The following LAMP5 variants were observed in gnomAD, a reference collection of about 807,000 sequenced individuals.
LAMP5 encodes lysosome associated membrane protein 5, also known as lysosome-associated membrane glycoprotein 5.
A neutral mutation model predicts 30.2 loss-of-function variants in LAMP5; 36 were observed. The observed-to-expected ratio is 1.19, with a 90% CI of 0.91 to 1.57. The LOEUF is 1.57. Ranked by LOEUF, LAMP5 falls within the 40% of genes most tolerant of loss-of-function variation. The pLI, the probability that LAMP5 is intolerant of heterozygous loss-of-function variation, is 0.00. For synonymous variants in LAMP5, 149 were observed against 134.6 expected (o/e 1.11, Z -0.74); for missense variants, 377 against 354.9 (o/e 1.06, Z -0.50).
rs754977746 is a variant in LAMP5, at chr20:9,518,149, G to A, written c.585G>A (p.Pro195=). The A allele has an allele frequency of 3.0e-5, 48 of 1,614,022 alleles. No homozygotes were observed. Among genetic ancestry groups the A allele is most frequent in the Middle Eastern group, 1.6e-4 (1 of 6,084 alleles). The part of the protein sequence containing the change: ...QQTISLASSD[P]QKTVTMILSA... Reference sequence around the variant, plus strand: ...CCATTTCACTGGCCTCTAGTGATCCGCAGAAGACGGTCACCATGATCCTGT... The same window carrying A: ...CCATTTCACTGGCCTCTAGTGATCCACAGAAGACGGTCACCATGATCCTGT... The change falls in exon 5 of 6, where the codon CCG becomes CCA. Residue 195 remains proline, a synonymous_variant. Coordinates refer to ENST00000246070, the MANE Select transcript of LAMP5 (RefSeq NM_012261.4).
chr20:9,515,424 C>A, intron 1 of LAMP5, 29 bp from the exon 2 acceptor site: 2 of 1,602,198 alleles, frequency 1.2e-6, no homozygotes, highest in African/African-American at 1.3e-5. Context: ...GAGCCCTGAA[C>A]TGATGGAATT....
intron 5 of LAMP5, among the ~76,000 whole-genome samples, chr20:9,524,442 T>C (rs2122842906): frequency 6.6e-6 from 1 of 151,626 alleles, no homozygotes; most frequent in East Asian, 1.9e-4. Flanking sequence ...TCTCTGCATG[T>C]ACATATGCTC....
At chr20:9,520,604 TG>T (rs2045073529) in intron 5 of LAMP5, among the ~76,000 whole-genome samples, 1 of 151,652 alleles carries the variant, frequency 6.6e-6, no homozygotes. Flanking sequence ...TGTGTGTGTG[TG>T]TTTGTGTGTT....
chr20:9,515,210 C>G (rs2045026723), intron 1 of LAMP5, among the ~76,000 whole-genome samples: 1 of 151,924 alleles, frequency 6.6e-6, no homozygotes, highest in South Asian at 2.1e-4. Flanking sequence ...ATGTAGAAAA[C>G]AGCCAGCTAT....
rs780280553 is a variant in LAMP5 at position 9,515,643 on chromosome 20, C to G, written c.237+18C>G. 17 of 1,612,076 alleles carry G rather than the reference C, an allele frequency of 1.1e-5. No individual in the cohort carries two copies. The highest frequency in any genetic ancestry group is 5.3e-5 in the African/African-American group (4 of 74,878). On this transcript the variant is annotated intron_variant, in intron 2 of 5. Coordinates refer to ENST00000246070, the MANE Select transcript of LAMP5 (RefSeq NM_012261.4). ...ACGTAGATGTAAGGAATCTTTCCCC[C>G]CCCTCAGCTTGCTCCTAGGGCTCCA...
rs1404161237 is a variant in LAMP5, at chr20:9,530,404, T to TA, written c.*586dup. ...AGCGACTGCAGCACCAGAAAACGACTAATGTAACTATGCAGAGTTGTTTGG... is the reference window on the plus strand; with the variant it reads ...AGCGACTGCAGCACCAGAAAACGACTAAATGTAACTATGCAGAGTTGTTTGG... On this transcript the variant is annotated 3_prime_UTR_variant, in exon 6 of 6. Transcript: ENST00000246070. 2.0e-5 allele frequency: 3 copies of TA among 152,762 alleles called. No individual in the cohort carries two copies. The highest frequency in any genetic ancestry group is 2.9e-5 in the Non-Finnish European group (2 of 68,124). 9.5% of individuals were successfully genotyped at this position (152,762 alleles called of 1,614,324 possible).
chr20:9,515,366 G>A (rs2045028222), intron 1 of LAMP5, 87 bp from the exon 2 acceptor site: 3 of 1,301,426 alleles, frequency 2.3e-6, no homozygotes, highest in Middle Eastern at 2.4e-4. Flanking sequence ...TCACTCCAAA[G>A]CCTGCAGAGC....
In LAMP5 at chr20:9,514,692, G is replaced by T; in HGVS notation, c.-161G>T. 1 of 505,738 alleles carries T rather than the reference G, an allele frequency of 2.0e-6. No homozygotes were observed. The highest frequency in any genetic ancestry group is 2.0e-5 in the South Asian group (1 of 50,094). The allele number at this position is 505,738 out of a possible 1,614,324, so 31.3% of individuals were successfully genotyped here. A position where few individuals can be genotyped will look rare whatever the true frequency, so the allele number is the denominator to read the frequency against. On this transcript the variant is annotated 5_prime_UTR_variant, in exon 1 of 6. Coordinates refer to ENST00000246070, the MANE Select transcript of LAMP5 (RefSeq NM_012261.4). ...AGCTGTCGGTGCCGCGCTCGACACC[G>T]AGTCCTAGCTAGGCGCTCACAGAAT... is the stretch of plus-strand genomic sequence containing the variant.
intron 2 of LAMP5, 130 bp downstream of exon 2, chr20:9,515,755 C>A: frequency 9.3e-7 from 1 of 1,076,668 alleles, no homozygotes; most frequent in Non-Finnish European, 1.4e-6. Context: ...CTCCCGAATG[C>A]TGCATGGGGA....
At chr20:9,520,870 C>CA (rs2045075582) in intron 5 of LAMP5, among the ~76,000 whole-genome samples, 1 of 152,150 alleles carries the variant, frequency 6.6e-6, no homozygotes, top group African/African-American at 2.4e-5. Flanking sequence ...CACTGACCCC[C>CA]AAACAAAACT....
rs781169841 is a variant in LAMP5 at position 9,516,371 on chromosome 20, G to A, written c.475+10G>A. The A allele has an allele frequency of 6.3e-7, 1 of 1,598,620 alleles. No homozygotes were observed. Among genetic ancestry groups the A allele is most frequent in the South Asian group, 1.1e-5 (1 of 90,718 alleles). On this transcript the variant is annotated intron_variant, in intron 4 of 5. Transcript: ENST00000246070. The stretch of plus-strand genomic sequence containing the variant: ...AAAGACGCAGTCAGTGGTGAGTGGA[G>A]GCTGGCATGGCTGGGGAGGGAGCCT...
chr20:9,516,813 G>T (rs891547874), intron 4 of LAMP5, among the ~76,000 whole-genome samples: 1 of 152,138 alleles, frequency 6.6e-6, no homozygotes, highest in African/African-American at 2.4e-5. Context: ...GTCTTTTTGC[G>T]CATGGCAGCA....
intron 4 of LAMP5, 27 bp from the exon 5 acceptor site, chr20:9,518,013 A>AGCAGGAGGGGCCTG (rs1424380276): frequency 1.1e-6 from 1 of 933,510 alleles, no homozygotes; most frequent in Non-Finnish European, 1.5e-6. Flanking sequence ...TGAGGGTTCT[A>AGCAGGAGGGGCCTG]ACTATTGCTC....
intron 1 of LAMP5, 109 bp from the exon 2 acceptor site, chr20:9,515,344 C>A: frequency 1.0e-6 from 1 of 994,154 alleles, no homozygotes; most frequent in Non-Finnish European, 1.5e-6. Context: ...CAGCTGCTGG[C>A]AGAGAACTTT....
intron 5 of LAMP5, among the ~76,000 whole-genome samples, chr20:9,526,786 C>G (rs1335596974): frequency 6.9e-6 from 1 of 144,638 alleles, no homozygotes; most frequent in Non-Finnish European, 1.5e-5. Context: ...TTTAAAAAAG[C>G]TATTTCTAGT....
intron 5 of LAMP5, among the ~76,000 whole-genome samples, chr20:9,525,081 C>T (rs996516571): frequency 5.3e-5 from 8 of 150,644 alleles, no homozygotes; most frequent in African/African-American, 1.7e-4. Context: ...ATTTTTTTTT[C>T]CTAAAGCAAC....
intron 5 of LAMP5, among the ~76,000 whole-genome samples, chr20:9,518,736 T>C (rs1172062119): frequency 6.6e-6 from 1 of 152,246 alleles, no homozygotes; most frequent in African/African-American, 2.4e-5. Context: ...CTGGGCCCGT[T>C]TCTTCTTGTT....
rs1603176967 is a variant in LAMP5, at chr20:9,530,070, C to A, written c.*250C>A. 8.5e-6 allele frequency: 3 copies of A among 351,076 alleles called. No homozygotes were observed. Among genetic ancestry groups the A allele is most frequent in the Non-Finnish European group, 1.6e-5 (3 of 191,848 alleles). The allele number at this position is 351,076 out of a possible 1,614,324, so 21.7% of individuals were successfully genotyped here. On this transcript the variant is annotated 3_prime_UTR_variant, in exon 6 of 6. Transcript: ENST00000246070. ...AGGAGGGGAGGAGGGTCTCAGACAG[C>A]TTTCGTGCTCATGGTGGCTTGGCTT... is the stretch of plus-strand genomic sequence containing the variant.
At chr20:9,526,860 G>GTATATATATATA (rs201564418) in intron 5 of LAMP5, among the ~76,000 whole-genome samples, 163 of 80,158 alleles carry the variant, frequency 2.0e-3, no homozygotes, top group Non-Finnish European at 3.4e-3. Context: ...GTGTGTGTGT[G>GTATATATATATA]TATATATATA....
Sources: gnomAD v4.1 joint callset for allele counts (sites outside exome capture counted in the v4.1 genomes callset) on GRCh38, gnomAD v4.1.1 for gene constraint, MANE v1.5 for transcripts, NCBI Gene and HGNC (gene_info 2026-07-23, HGNC 2026-07-21) for gene names.